Variants in FREM1 observed in about 807,000 individuals in gnomAD.
FREM1 encodes the protein FRAS1 related extracellular matrix 1.
FREM1 carries 220 observed loss-of-function variants against 210.1 expected under a neutral mutation model. The observed-to-expected ratio is 1.05, with a 90% CI of 0.94 to 1.17. The LOEUF (loss-of-function observed/expected upper bound fraction) is 1.17, where lower values mean the gene tolerates loss of function less well. FREM1 is among the 50% of genes most tolerant of loss of function. The pLI is 0.00. For missense variants in FREM1, 3,454 were observed against 2,675.5 expected, an observed-to-expected ratio of 1.29 and a Z score of -6.42; for synonymous variants, 1,189 against 980.2, an observed-to-expected ratio of 1.21 and a Z score of -3.98.
At position 14,801,864 on chromosome 9, in the gene FREM1, C is replaced by T. The variant is rs764638304; in HGVS notation, c.3482G>A (p.Gly1161Asp). 12 of 1,609,662 alleles carry T rather than the reference C, an allele frequency of 7.5e-6. No individual in the cohort carries two copies. In the East Asian group the frequency reaches 2.5e-4, roughly 33 times the overall value. Residue 1161 changes from glycine to aspartate, a missense_variant, in exon 20 of 37, where the codon GGT becomes GAT. Gly to Asp is a moderately conservative substitution (Grantham distance 94). Coordinates refer to ENST00000380880, the MANE Select transcript of FREM1 (RefSeq NM_001379081.2). ...FVVQNITVCE[G>D]QMKELDSSII... ...GGAAGAGTCCAGCTCTTTCATCTGA[C>T]CCTCACACACCTGAGCAAGAACACA...
At chr9:14,830,821 C>T (rs1823422996) in intron 10 of FREM1, among the ~76,000 whole-genome samples, 1 of 152,222 alleles carries the variant, frequency 6.6e-6, no homozygotes, top group African/African-American at 2.4e-5. Flanking sequence ...CACTTTGGTG[C>T]ATTGAGGTAC....
rs1336576381 is a variant in FREM1, at chr9:14,861,232, CAT to C, written c.330-1750_330-1749del. Reference sequence around the variant, plus strand: ...ATATACATATATACACATATATACACATATATACACACATATATACATATATA... The same window carrying C: ...ATATACATATATACACATATATACACATATACACACATATATACATATATA... On this transcript the variant is annotated intron_variant, in intron 3 of 36. Coordinates refer to ENST00000380880, the MANE Select transcript of FREM1 (RefSeq NM_001379081.2). 1.0e-4 allele frequency among the ~76,000 whole-genome samples: 10 copies of C among 99,778 alleles called. 1 individual carries two copies. Among genetic ancestry groups the C allele is most frequent in the Admixed American group, 3.4e-4 (3 of 8,778 alleles). The allele number at this position is 99,778 out of a possible 152,430, so 65.5% of individuals were successfully genotyped here.
intron 1 of FREM1, among the ~76,000 whole-genome samples, chr9:14,873,537 G>A (rs937197377): frequency 6.9e-6 from 1 of 145,842 alleles, no homozygotes; most frequent in South Asian, 2.1e-4. Context: ...ATTTTTTATT[G>A]CATATATTTG....
At chr9:14,906,730 T>G (rs964018021) in intron 1 of FREM1, among the ~76,000 whole-genome samples, 4 of 152,196 alleles carry the variant, frequency 2.6e-5, no homozygotes, top group Admixed American at 6.5e-5. Flanking sequence ...TGAGGCAAAG[T>G]TGTGGCTCAC....
intron 5 of FREM1, among the ~76,000 whole-genome samples, chr9:14,855,159 T>C (rs568695465): frequency 6.6e-6 from 1 of 152,080 alleles, no homozygotes; most frequent in Non-Finnish European, 1.5e-5. Context: ...AAGAAAATTA[T>C]AGGCCTATTA....
At chr9:14,816,968 T>A (rs1352339077) in intron 14 of FREM1, 97 bp from the exon 15 acceptor site, 3 of 414,942 alleles carry the variant, frequency 7.2e-6, no homozygotes, top group Non-Finnish European at 1.3e-5. Context: ...TGGCCATGTG[T>A]TCACTAAATA....
At chr9:14,840,633 C>G (rs1381882617) in intron 10 of FREM1, among the ~76,000 whole-genome samples, 2 of 152,222 alleles carry the variant, frequency 1.3e-5, no homozygotes, top group East Asian at 3.8e-4. Flanking sequence ...CCTCCCATGA[C>G]ACGTGGGAAT....
chr9:14,881,216 G>T (rs1470736300), intron 1 of FREM1, among the ~76,000 whole-genome samples: 1 of 152,170 alleles, frequency 6.6e-6, no homozygotes, highest in Non-Finnish European at 1.5e-5. Context: ...TTATGCAAAG[G>T]CACATAAAAC....
intron 24 of FREM1, among the ~76,000 whole-genome samples, chr9:14,780,469 A>G: frequency 6.7e-6 from 1 of 148,310 alleles, no homozygotes; most frequent in Non-Finnish European, 1.5e-5. Context: ...GGCATGTCAA[A>G]ATGGAGGACA....
At chr9:14,889,189 C>T (rs1338077285) in intron 1 of FREM1, among the ~76,000 whole-genome samples, 1 of 152,026 alleles carries the variant, frequency 6.6e-6, no homozygotes, top group Non-Finnish European at 1.5e-5. Context: ...GATTGATTTC[C>T]AGATGTGGAA....
In FREM1 at chr9:14,824,711, C is replaced by CTA. The variant is rs139400976; in HGVS notation, c.2078+83_2078+84dup. 2.6e-3 allele frequency: 2,108 copies of CTA among 799,590 alleles called. 1 individual carries two copies. The highest frequency in any genetic ancestry group is 7.2e-3 in the African/African-American group (405 of 56,600). 49.5% of individuals were successfully genotyped at this position (799,590 alleles called of 1,614,324 possible). A position where few individuals can be genotyped will look rare whatever the true frequency, so the allele number is the denominator to read the frequency against. ...CCAATGGAGCAAGTAAACCACAGTA[C>CTA]TATATATATATATATTGCTCTATAT... On this transcript the variant is annotated intron_variant, in intron 11 of 36. Coordinates refer to ENST00000380880, the MANE Select transcript of FREM1 (RefSeq NM_001379081.2).
rs1278413537 is a variant in FREM1 at position 14,747,041 on chromosome 9, G to A, written c.6020C>T (p.Pro2007Leu). The change falls in exon 34 of 37, where the codon CCC becomes CTC. Residue 2007 changes from proline to leucine, a missense_variant. Pro to Leu is a moderately conservative substitution (Grantham distance 98, BLOSUM62 -3). Transcript: ENST00000380880. The stretch of plus-strand genomic sequence containing the variant: ...CAGAGTGCAGTTCTTTGGAAATGAG[G>A]GCAACTGGTCCTTTGGGAAGGAAAG... ...DSHFPRQDQL[P>L]SFPKNCTLEL... The A allele has an allele frequency of 2.5e-6, 4 of 1,613,054 alleles. No homozygotes were observed. Among genetic ancestry groups the A allele is most frequent in the Admixed American group, 3.3e-5 (2 of 59,826 alleles).
chr9:14,856,547 C>T (rs947806916), intron 5 of FREM1, among the ~76,000 whole-genome samples: 5 of 152,160 alleles, frequency 3.3e-5, no homozygotes, highest in Admixed American at 1.3e-4. Context: ...CAAACATCAT[C>T]TTGGATCATC....
rs771969537 is a variant in FREM1, at chr9:14,842,536, G to T, written c.1518C>A (p.Ile506=). The T allele has an allele frequency of 3.6e-5, 58 of 1,613,878 alleles. No homozygotes were observed. The highest frequency in any genetic ancestry group is 1.6e-4 in the Middle Eastern group (1 of 6,084). Residue 506 remains isoleucine, a synonymous_variant, in exon 9 of 37, where the codon ATC becomes ATA. Transcript: ENST00000380880. The part of the protein sequence containing the change: ...VFRIFDGHHS[I]RHKFPINVLP... Reference sequence around the variant, plus strand: ...AGACGTTGATGGGGAATTTGTGACGGATGCTGTGATGGCCATCAAATATCC... The same window carrying T: ...AGACGTTGATGGGGAATTTGTGACGTATGCTGTGATGGCCATCAAATATCC...
intron 27 of FREM1, among the ~76,000 whole-genome samples, chr9:14,762,297 T>A (rs919146136): frequency 6.6e-6 from 1 of 152,294 alleles, no homozygotes; most frequent in South Asian, 2.1e-4. Flanking sequence ...TTGCATGGAT[T>A]TCAGCCATCA....
intron 11 of FREM1, 60 bp from the exon 12 acceptor site, chr9:14,824,175 A>T: frequency 4.9e-6 from 5 of 1,024,352 alleles, no homozygotes; most frequent in African/African-American, 1.6e-5. Flanking sequence ...ATGAAATCGA[A>T]TAGCCCACAA....
intron 8 of FREM1, among the ~76,000 whole-genome samples, chr9:14,844,056 G>C (rs953579985): frequency 6.6e-6 from 1 of 152,060 alleles, no homozygotes; most frequent in African/African-American, 2.4e-5. Flanking sequence ...AAAGTATACA[G>C]AATGCTTTCT....
At chr9:14,747,213 C>T (rs1207939986) in intron 33 of FREM1, 51 bp downstream of exon 33, 2 of 1,590,608 alleles carry the variant, frequency 1.3e-6, no homozygotes, top group Non-Finnish European at 1.7e-6. Flanking sequence ...GTTTCTGGCC[C>T]AGCAAACAAC....
chr9:14,784,545 T>G lies in FREM1; in HGVS notation c.4267A>C (p.Thr1423Pro). Residue 1423 changes from threonine to proline, a missense_variant, in exon 24 of 37, where the codon ACA (threonine) becomes CCA (proline). By Grantham distance (38) the Thr-to-Pro change is conservative. Coordinates refer to ENST00000380880, the MANE Select transcript of FREM1 (RefSeq NM_001379081.2). ...TTTTLLAVDG[T>P]DKPEELLYVI... ...TAGAGCAGTTCCTCAGGCTTGTCTGTTCCGTCCACAGCCAGGAGCGTGGTG... is the reference window on the plus strand; with the variant it reads ...TAGAGCAGTTCCTCAGGCTTGTCTGGTCCGTCCACAGCCAGGAGCGTGGTG... 1 of 1,613,666 alleles carries G rather than the reference T, an allele frequency of 6.2e-7. No individual in the cohort carries two copies. The highest frequency in any genetic ancestry group is 1.7e-5 in the Admixed American group (1 of 59,984).
Sources: gnomAD v4.1 joint callset for allele counts (sites outside exome capture counted in the v4.1 genomes callset) on GRCh38, gnomAD v4.1.1 for gene constraint, MANE v1.5 for transcripts, NCBI Gene and HGNC (gene_info 2026-07-23, HGNC 2026-07-21) for gene names.